INPP5F: variants seen among roughly 807,000 people sequenced by gnomAD.
INPP5F encodes inositol polyphosphate-5-phosphatase F.
A neutral mutation model predicts 137.2 loss-of-function variants in INPP5F; 97 were observed. That is an observed-to-expected ratio of 0.71 (90% CI 0.60 to 0.84). The LOEUF is 0.84. INPP5F is among the 40% of genes least tolerant of loss of function. The probability of loss-of-function intolerance (pLI) is 0.00; values close to 1 mark genes in which losing one functional copy is unlikely to be tolerated. For synonymous variants in INPP5F, 504 were observed against 476.9 expected (o/e 1.06, Z -0.74); for missense variants, 1,271 against 1,371.9 (o/e 0.93, Z 1.16).
At position 119,820,886 on chromosome 10, in the gene INPP5F, C is replaced by T; in HGVS notation, c.1927C>T (p.Leu643=). Residue 643 remains leucine (L), a synonymous_variant, in exon 16 of 20, where the codon CTG becomes TTG. Transcript: ENST00000650623. ...TCACAGAGACGTGGATGTGCTGTTA[C>T]TGCTTTCTAACTCTGCCTACTACGT... ...ATHRDVDVLL[L]LSNSAYYVAY... is the part of the protein sequence containing the mutation. The T allele has an allele frequency of 1.2e-6, 2 of 1,611,866 alleles. No individual in the cohort carries two copies.
intron 15 of INPP5F, among the ~76,000 whole-genome samples, chr10:119,818,478 C>T (rs999987923): frequency 6.6e-6 from 1 of 152,240 alleles, no homozygotes; most frequent in South Asian, 2.1e-4. Context: ...CGCCAGCGCC[C>T]CCCTCCAGCC....
intron 15 of INPP5F, among the ~76,000 whole-genome samples, chr10:119,818,452 G>A (rs1410682504): frequency 6.6e-6 from 1 of 152,218 alleles, no homozygotes; most frequent in African/African-American, 2.4e-5. Context: ...GCTCGGTGCA[G>A]TACCCTCGCC....
At chr10:119,761,663 G>A (rs115235352) in intron 2 of INPP5F, among the ~76,000 whole-genome samples, 2,386 of 149,262 alleles carry the variant, frequency 0.016, 75 homozygotes, top group African/African-American at 0.056. Context: ...ATTTTTAGTT[G>A]AAATTTAAAT....
rs777715733 is a variant in INPP5F, at chr10:119,748,195, C to T, written c.98-2881C>T. ...TGGCAGGGCAGGCAGCTCCAGGCAC[C>T]GGTACAGGCACTGGCTTTGTGCAAG... On this transcript the variant is annotated intron_variant, in intron 1 of 19. Transcript: ENST00000650623. The surrounding 1 kb of genome is among the most constrained non-coding windows in gnomAD (Gnocchi z 4.7). Among the ~76,000 whole-genome samples the T allele has an allele frequency of 1.3e-4, 20 of 152,230 alleles. No individual in the cohort carries two copies. The highest frequency in any genetic ancestry group is 2.5e-4 in the Non-Finnish European group (17 of 68,040).
chr10:119,824,756 TATG>T (rs1260389057), intron 19 of INPP5F, among the ~76,000 whole-genome samples: 2 of 152,236 alleles, frequency 1.3e-5, no homozygotes, highest in African/African-American at 4.8e-5. Flanking sequence ...TGTCATGATC[TATG>T]GTCATTTTTC....
At chr10:119,783,114 G>A (rs1036347384) in intron 3 of INPP5F, among the ~76,000 whole-genome samples, 1 of 152,098 alleles carries the variant, frequency 6.6e-6, no homozygotes, top group Non-Finnish European at 1.5e-5. Context: ...ATTGCTGATC[G>A]AGAGACAAAA....
intron 16 of INPP5F, 62 bp downstream of exon 16, chr10:119,820,979 T>G (rs1196834669): frequency 9.2e-7 from 1 of 1,081,510 alleles, no homozygotes; most frequent in African/African-American, 1.6e-5. Flanking sequence ...AAATTTTCTT[T>G]TTAGAATTCG....
chr10:119,783,777 T>TC (rs953790662), intron 3 of INPP5F, among the ~76,000 whole-genome samples: 3 of 152,202 alleles, frequency 2.0e-5, no homozygotes, highest in African/African-American at 7.2e-5. Flanking sequence ...TGAGATTTCC[T>TC]CCATTGACAT....
chr10:119,747,378 C>T (rs560502601), intron 1 of INPP5F, among the ~76,000 whole-genome samples: 4 of 151,830 alleles, frequency 2.6e-5, no homozygotes, highest in Non-Finnish European at 5.9e-5. Flanking sequence ...CGCACCACCA[C>T]GCCCAGCTAA....
intron 2 of INPP5F, among the ~76,000 whole-genome samples, chr10:119,763,223 C>G (rs2134145272): frequency 6.6e-6 from 1 of 152,350 alleles, no homozygotes; most frequent in South Asian, 2.1e-4. Context: ...ATGTTCTGCA[C>G]TTCAGGCCCA....
At chr10:119,742,391 C>T (rs190360756) in intron 1 of INPP5F, among the ~76,000 whole-genome samples, 388 of 152,072 alleles carry the variant, frequency 2.6e-3, no homozygotes, top group African/African-American at 8.9e-3. Flanking sequence ...CTCCTGACCT[C>T]GTGATCCACC....
Position 119,726,195 on chromosome 10 carries a change from C to A in INPP5F, c.-68C>A. ...CTCCCCGAGGCGCGGGCTCTGGCGG[C>A]CTCGACCGACTAGGACGCCCCGTGC... On this transcript the variant is annotated 5_prime_UTR_variant, in exon 1 of 20. Transcript: ENST00000650623. 9.7e-7 allele frequency: 1 copy of A among 1,028,608 alleles called. No individual in the cohort carries two copies. 63.7% of individuals were successfully genotyped at this position (1,028,608 alleles called of 1,614,324 possible).
At chr10:119,814,055 A>G (rs1851157289) in intron 15 of INPP5F, among the ~76,000 whole-genome samples, 1 of 152,074 alleles carries the variant, frequency 6.6e-6, no homozygotes, top group Admixed American at 6.5e-5. Flanking sequence ...TGACTTCCCG[A>G]TAACAGGGAG....
At chr10:119,765,317 A>C (rs1246700123) in intron 2 of INPP5F, among the ~76,000 whole-genome samples, 1 of 152,132 alleles carries the variant, frequency 6.6e-6, no homozygotes, top group African/African-American at 2.4e-5. Flanking sequence ...TTAAGCTTCT[A>C]ATCAGTAGTA....
intron 1 of INPP5F, among the ~76,000 whole-genome samples, chr10:119,738,829 A>G (rs566994918): frequency 1.1e-4 from 16 of 152,226 alleles, no homozygotes; most frequent in Admixed American, 4.6e-4. Context: ...CTATATTAGT[A>G]TGAGAAGTTT....
At chr10:119,762,878 A>G (rs953722323) in intron 2 of INPP5F, among the ~76,000 whole-genome samples, 9 of 152,186 alleles carry the variant, frequency 5.9e-5, no homozygotes, top group South Asian at 2.1e-4. Flanking sequence ...AAATACATTC[A>G]TTATAATCCC....
intron 1 of INPP5F, among the ~76,000 whole-genome samples, chr10:119,747,501 G>A (rs1319551120): frequency 6.6e-6 from 1 of 152,180 alleles, no homozygotes; most frequent in Non-Finnish European, 1.5e-5. Flanking sequence ...TTACAGGCAT[G>A]AGCCACTGTG....
rs1353550466 is a variant in INPP5F at position 119,787,420 on chromosome 10, A to G, written c.316-4097A>G. Among the ~76,000 whole-genome samples the G allele has an allele frequency of 6.6e-6, 1 of 152,212 alleles. No individual in the cohort carries two copies. Among genetic ancestry groups the G allele is most frequent in the Non-Finnish European group, 1.5e-5 (1 of 68,044 alleles). On this transcript the variant is annotated intron_variant, in intron 3 of 19. Coordinates refer to ENST00000650623, the MANE Select transcript of INPP5F (RefSeq NM_014937.4). The surrounding 1 kb of genome is among the most constrained non-coding windows in gnomAD (Gnocchi z 4.1). ...GCCAACATGGTGAAACCCTGTCTCTACTAAAAATACAAAACTTAGCCAGGC... is the reference window on the plus strand; with the variant it reads ...GCCAACATGGTGAAACCCTGTCTCTGCTAAAAATACAAAACTTAGCCAGGC...
At chr10:119,731,022 C>T (rs1201991969) in intron 1 of INPP5F, among the ~76,000 whole-genome samples, 4 of 151,722 alleles carry the variant, frequency 2.6e-5, no homozygotes, top group Non-Finnish European at 4.4e-5. Context: ...CTCTTGACCT[C>T]GTGATCCGCC....
Sources: allele counts gnomAD v4.1 joint callset (sites outside exome capture counted in the v4.1 genomes callset), GRCh38; gene constraint gnomAD v4.1.1; non-coding constraint Gnocchi (gnomAD v3.1); transcripts MANE v1.5; gene names NCBI Gene and HGNC (gene_info 2026-07-23, HGNC 2026-07-21).